The following USP34 variants were observed in gnomAD, a reference collection of about 807,000 sequenced individuals.
The protein encoded by USP34 is ubiquitin carboxyl-terminal hydrolase 34.
A neutral mutation model predicts 460.3 loss-of-function variants in USP34; 70 were observed. The observed-to-expected ratio is 0.15, with a 90% CI of 0.13 to 0.19. USP34 has a LOEUF of 0.19. USP34 is among the 10% of genes least tolerant of loss of function. USP34 has a pLI of 1.00. For missense variants in USP34, 3,985 were observed against 4,236.2 expected (o/e 0.94, Z 1.65); for synonymous variants, 1,647 against 1,405.3 (o/e 1.17, Z -3.85).
At chr2:61,211,274 G>A (rs1487094448) in intron 69 of USP34, among the ~76,000 whole-genome samples, 2 of 152,256 alleles carry the variant, frequency 1.3e-5, no homozygotes, top group African/African-American at 4.8e-5. Flanking sequence ...TCTAGGTTAA[G>A]GGGAATTAAG....
At chr2:61,460,197 G>T (rs1415890658) in intron 1 of USP34, among the ~76,000 whole-genome samples, 1 of 152,148 alleles carries the variant, frequency 6.6e-6, no homozygotes, top group Non-Finnish European at 1.5e-5. Context: ...GTTAACCACA[G>T]TCACTATGGT....
Position 61,297,741 on chromosome 2 carries a change from A to C in USP34, c.4129-816T>G, listed in dbSNP as rs141349585. On this transcript the variant is annotated intron_variant, in intron 29 of 79. Coordinates refer to ENST00000398571, the MANE Select transcript of USP34 (RefSeq NM_014709.4). ...AACATGGTGCACTTTGGTGGCAAGAAAATCTTTATTTTTTTTTTGAGATGG... is the reference window on the plus strand; with the variant it reads ...AACATGGTGCACTTTGGTGGCAAGACAATCTTTATTTTTTTTTTGAGATGG... Among the ~76,000 whole-genome samples the C allele has an allele frequency of 4.0e-3, 612 of 152,316 alleles. 1 individual carries two copies. Among genetic ancestry groups the C allele is most frequent in the Admixed American group, 6.5e-3 (100 of 15,294 alleles).
At chr2:61,234,637 T>C (rs1688011148) in intron 57 of USP34, among the ~76,000 whole-genome samples, 1 of 152,102 alleles carries the variant, frequency 6.6e-6, no homozygotes, top group African/African-American at 2.4e-5. Context: ...AGGTTTATTT[T>C]TTATTTTTAT....
intron 67 of USP34, among the ~76,000 whole-genome samples, chr2:61,215,265 T>G (rs1447228270): frequency 1.3e-5 from 2 of 152,184 alleles, no homozygotes; most frequent in Non-Finnish European, 2.9e-5. Flanking sequence ...TTTAAAAGTC[T>G]TCTAAGGCTA....
At chr2:61,447,553 A>G (rs1695155589) in intron 1 of USP34, among the ~76,000 whole-genome samples, 1 of 152,196 alleles carries the variant, frequency 6.6e-6, no homozygotes, top group Admixed American at 6.6e-5. Context: ...AAAAGCAGCT[A>G]GCTCAGCTCA....
intron 10 of USP34, among the ~76,000 whole-genome samples, chr2:61,368,066 T>G (rs1692491732): frequency 6.6e-6 from 1 of 152,210 alleles, no homozygotes; most frequent in African/African-American, 2.4e-5. Context: ...GGATTATGGG[T>G]GACAGGGTCT....
chr2:61,454,712 GCTTATTTTTTTATTTT>G (rs1558604621), intron 1 of USP34, among the ~76,000 whole-genome samples: 2 of 150,938 alleles, frequency 1.3e-5, no homozygotes, highest in Non-Finnish European at 3.0e-5. Context: ...ACCACACCCA[GCTTATTTTTTTATTTT>G]TAGTAGACAT....
intron 6 of USP34, among the ~76,000 whole-genome samples, chr2:61,381,519 A>C (rs1432713341): frequency 6.6e-6 from 1 of 152,006 alleles, no homozygotes; most frequent in Non-Finnish European, 1.5e-5. Flanking sequence ...TCTTCTGCAC[A>C]GAGATGGAGT....
At chr2:61,205,004 A>G (rs1037581992) in intron 72 of USP34, among the ~76,000 whole-genome samples, 6 of 152,072 alleles carry the variant, frequency 3.9e-5, no homozygotes, top group African/African-American at 1.4e-4. Flanking sequence ...ACCGGCATGC[A>G]CCACCACACC....
At chr2:61,293,324 G>A (rs1572906515) in intron 33 of USP34, 140 bp downstream of exon 33, 1 of 505,422 alleles carries the variant, frequency 2.0e-6, no homozygotes, top group Non-Finnish European at 3.4e-6. Context: ...TTATCAAACT[G>A]TATTTTTAAA....
chr2:61,314,445 T>A, intron 25 of USP34, 140 bp downstream of exon 25: 1 of 695,876 alleles, frequency 1.4e-6, no homozygotes, highest in African/African-American at 1.8e-5. Context: ...AAATTACTTA[T>A]GTTACTGATC....
chr2:61,439,243 C>G (rs907467693), intron 1 of USP34, among the ~76,000 whole-genome samples: 3 of 152,188 alleles, frequency 2.0e-5, no homozygotes, highest in Non-Finnish European at 2.9e-5. Context: ...AAAACCGTGT[C>G]TCTACAAAAA....
chr2:61,405,099 G>T (rs890342800), intron 3 of USP34, among the ~76,000 whole-genome samples: 3 of 151,620 alleles, frequency 2.0e-5, no homozygotes, highest in African/African-American at 7.3e-5. Context: ...CAGGTGTGGT[G>T]GCAGGCACCT....
Position 61,251,546 on chromosome 2 carries a change from A to G in USP34, c.6222-2863T>C, listed in dbSNP as rs549848525. On this transcript the variant is annotated intron_variant, in intron 48 of 79. Transcript: ENST00000398571. ...ACGAAACTATTGTTGCTTTTGCAGTATAAGGTCTTCATCCTCTGATTATTA... is the reference window on the plus strand; with the variant it reads ...ACGAAACTATTGTTGCTTTTGCAGTGTAAGGTCTTCATCCTCTGATTATTA... Among the ~76,000 whole-genome samples the G allele has an allele frequency of 1.2e-4, 18 of 152,356 alleles. 1 individual carries two copies. Among genetic ancestry groups the G allele is most frequent in the Admixed American group, 9.8e-4 (15 of 15,302 alleles).
At chr2:61,421,792 C>CAT (rs1558584957) in intron 1 of USP34, among the ~76,000 whole-genome samples, 1 of 148,176 alleles carries the variant, frequency 6.7e-6, no homozygotes, top group Non-Finnish European at 1.5e-5. Flanking sequence ...CACACACACA[C>CAT]ACACACGCGC....
chr2:61,386,093 C>T (rs1165293329), intron 5 of USP34, among the ~76,000 whole-genome samples: 1 of 151,772 alleles, frequency 6.6e-6, no homozygotes. Flanking sequence ...AGTCAGTAGG[C>T]AAAACAGCAC....
Position 61,295,011 on chromosome 2 carries a change from G to T in USP34, c.4399C>A (p.Pro1467Thr), listed in dbSNP as rs1281647750. 3 of 1,612,262 alleles carry T rather than the reference G, an allele frequency of 1.9e-6. No homozygotes were observed. In the African/African-American group the frequency reaches 4.0e-5, roughly 22 times the overall value. The change falls in exon 32 of 80, where the codon CCA (proline) becomes ACA (threonine). Residue 1467 changes from proline to threonine, a missense_variant. Pro to Thr is a conservative substitution (Grantham distance 38). Transcript: ENST00000398571. Reference sequence around the variant, plus strand: ...TCTTCACTTGAATCATCTGAATCTGGATAAAGATCACTGTAACTTCCCTAT... The same window carrying T: ...TCTTCACTTGAATCATCTGAATCTGTATAAAGATCACTGTAACTTCCCTAT... ...ESTGSYSDLY[P>T]DSDDSSEDQV... is the part of the protein sequence containing the mutation.
intron 25 of USP34, among the ~76,000 whole-genome samples, chr2:61,314,039 C>T (rs905837565): frequency 1.3e-5 from 2 of 151,726 alleles, no homozygotes; most frequent in Non-Finnish European, 2.9e-5. Flanking sequence ...TATTAATTTG[C>T]TTTATTTCTG....
At chr2:61,437,259 G>T (rs949509212) in intron 1 of USP34, among the ~76,000 whole-genome samples, 2 of 151,930 alleles carry the variant, frequency 1.3e-5, no homozygotes, top group East Asian at 3.9e-4. Flanking sequence ...CATTTGAAAA[G>T]ATAAACAAAA....
Sources: gnomAD v4.1 joint callset for allele counts (sites outside exome capture counted in the v4.1 genomes callset) on GRCh38, gnomAD v4.1.1 for gene constraint, MANE v1.5 for transcripts, NCBI Gene and HGNC (gene_info 2026-07-23, HGNC 2026-07-21) for gene names.